SSBP2: variants seen among roughly 807,000 people sequenced by gnomAD.
The protein encoded by SSBP2 is single stranded DNA binding protein 2.
In SSBP2, 17 loss-of-function variants were observed where a neutral mutation model predicts 61.8. The ratio of observed to expected loss-of-function variants is 0.28; its 90% CI spans 0.19 to 0.41. SSBP2 has a LOEUF of 0.41. SSBP2 is among the 10% of genes least tolerant of loss of function. The probability of loss-of-function intolerance (pLI) is 1.00; values close to 1 mark genes in which losing one functional copy is unlikely to be tolerated. For synonymous variants in SSBP2, 139 were observed against 141.3 expected, an observed-to-expected ratio of 0.98 and a Z score of 0.12; for missense variants, 310 against 458.7, an observed-to-expected ratio of 0.68 and a Z score of 2.96.
intron 5 of SSBP2, among the ~76,000 whole-genome samples, chr5:81,508,449 G>A (rs1422001292): frequency 2.0e-5 from 3 of 152,034 alleles, no homozygotes; most frequent in African/African-American, 7.2e-5. Context: ...TTGCATGTCC[G>A]ACTAGTCTTA....
chr5:81,703,065 A>G (rs996345507), intron 1 of SSBP2, among the ~76,000 whole-genome samples: 1 of 152,286 alleles, frequency 6.6e-6, no homozygotes, highest in African/African-American at 2.4e-5. Flanking sequence ...CCCATATCTT[A>G]TTCAGTATTC....
intron 4 of SSBP2, among the ~76,000 whole-genome samples, chr5:81,593,821 TAAAG>T (rs1743393279): frequency 6.6e-6 from 1 of 152,112 alleles, no homozygotes; most frequent in South Asian, 2.1e-4. Flanking sequence ...AGGCCTGCCC[TAAAG>T]GAACTCCTAA....
intron 4 of SSBP2, among the ~76,000 whole-genome samples, chr5:81,590,986 T>C (rs1202030051): frequency 7.9e-5 from 12 of 152,128 alleles, no homozygotes; most frequent in Non-Finnish European, 2.9e-5. Flanking sequence ...TGAGGCTGAA[T>C]CAGTGCAACA....
At chr5:81,489,866 G>A (rs369033363) in intron 5 of SSBP2, among the ~76,000 whole-genome samples, 2 of 151,968 alleles carry the variant, frequency 1.3e-5, no homozygotes, top group South Asian at 2.1e-4. Flanking sequence ...AGTTCAAAAC[G>A]GACTCTGTGG....
At chr5:81,741,727 C>T (rs1757038345) in intron 1 of SSBP2, among the ~76,000 whole-genome samples, 1 of 152,178 alleles carries the variant, frequency 6.6e-6, no homozygotes, top group Non-Finnish European at 1.5e-5. Context: ...AAGTCCCGTA[C>T]CTATCCACTT....
At chr5:81,503,866 T>C (rs1232062969) in intron 5 of SSBP2, among the ~76,000 whole-genome samples, 1 of 152,174 alleles carries the variant, frequency 6.6e-6, no homozygotes, top group East Asian at 1.9e-4. Flanking sequence ...CCATTATCCT[T>C]AGCAAACTAA....
intron 1 of SSBP2, among the ~76,000 whole-genome samples, chr5:81,722,402 T>TTG (rs910189231): frequency 2.0e-5 from 3 of 151,636 alleles, no homozygotes; most frequent in Non-Finnish European, 4.4e-5. Context: ...ATTTTGTTTT[T>TTG]TTTTTTTTTC....
chr5:81,575,941 C>A (rs1250061909), intron 4 of SSBP2, among the ~76,000 whole-genome samples: 1 of 152,126 alleles, frequency 6.6e-6, no homozygotes, highest in Non-Finnish European at 1.5e-5. Context: ...ACAAAAATTC[C>A]ATTTCTTTGC....
At chr5:81,555,625 T>G (rs2153388180) in intron 4 of SSBP2, among the ~76,000 whole-genome samples, 1 of 152,160 alleles carries the variant, frequency 6.6e-6, no homozygotes, top group Middle Eastern at 3.4e-3. Context: ...TCAGTTTTAT[T>G]ACTAACACAA....
rs189207986 is a variant in SSBP2, at chr5:81,518,976, T to G, written c.283-5259A>C. Among the ~76,000 whole-genome samples the G allele has an allele frequency of 4.2e-3, 636 of 152,288 alleles. 4 individuals carry two copies. The highest frequency in any genetic ancestry group is 0.015 in the South Asian group (71 of 4,828). On this transcript the variant is annotated intron_variant, in intron 4 of 16. Transcript: ENST00000320672. Reference sequence around the variant, plus strand: ...ATGCTTGATCATCATGCATGATGCATTTAATAGGCTACTGAATTATATTTG... The same window carrying G: ...ATGCTTGATCATCATGCATGATGCAGTTAATAGGCTACTGAATTATATTTG...
intron 3 of SSBP2, among the ~76,000 whole-genome samples, chr5:81,627,382 C>T (rs1023854877): frequency 5.3e-5 from 8 of 152,120 alleles, no homozygotes; most frequent in East Asian, 1.9e-4. Flanking sequence ...CTGTCTTATA[C>T]GATGCTTAGT....
chr5:81,456,311 T>G (rs1393859092), intron 10 of SSBP2, among the ~76,000 whole-genome samples: 1 of 151,876 alleles, frequency 6.6e-6, no homozygotes, highest in Admixed American at 6.6e-5. Flanking sequence ...CCTCTTTTAC[T>G]ATCCATTCCT....
intron 5 of SSBP2, among the ~76,000 whole-genome samples, chr5:81,500,010 A>G (rs1483762979): frequency 6.6e-6 from 1 of 152,228 alleles, no homozygotes; most frequent in Non-Finnish European, 1.5e-5. Context: ...TGCAGAGATA[A>G]CAGCATTTGT....
At chr5:81,481,389 A>AG (rs888873404) in intron 6 of SSBP2, among the ~76,000 whole-genome samples, 6 of 152,046 alleles carry the variant, frequency 3.9e-5, no homozygotes, top group East Asian at 3.9e-4. Flanking sequence ...TGGGAGGCCG[A>AG]GGGGGGTGGA....
intron 2 of SSBP2, among the ~76,000 whole-genome samples, chr5:81,640,313 C>A (rs1748662344): frequency 6.6e-6 from 1 of 151,958 alleles, no homozygotes; most frequent in South Asian, 2.1e-4. Context: ...GCACTCCAGC[C>A]TGGGCGACAG....
At chr5:81,459,913 A>G (rs1282679352) in intron 10 of SSBP2, among the ~76,000 whole-genome samples, 6 of 152,246 alleles carry the variant, frequency 3.9e-5, no homozygotes, top group Admixed American at 2.0e-4. Context: ...TTGAAATTAA[A>G]TAACACACTG....
intron 5 of SSBP2, among the ~76,000 whole-genome samples, chr5:81,496,956 T>C (rs1767334830): frequency 6.6e-6 from 1 of 152,170 alleles, no homozygotes; most frequent in Non-Finnish European, 1.5e-5. Context: ...TGTGCAACCA[T>C]TTATTAAATA....
At chr5:81,745,510 A>G (rs984473148) in intron 1 of SSBP2, among the ~76,000 whole-genome samples, 3 of 152,124 alleles carry the variant, frequency 2.0e-5, no homozygotes, top group African/African-American at 7.2e-5. Flanking sequence ...CCACCCTTTC[A>G]GAAACAGTAA....
intron 2 of SSBP2, 133 bp downstream of exon 2, chr5:81,650,134 T>C: frequency 1.8e-6 from 1 of 563,558 alleles, no homozygotes; most frequent in Non-Finnish European, 3.0e-6. Context: ...CTATAAAAAC[T>C]ATACTATGTA....
Sources: allele counts gnomAD v4.1 joint callset (sites outside exome capture counted in the v4.1 genomes callset), GRCh38; gene constraint gnomAD v4.1.1; transcripts MANE v1.5; gene names NCBI Gene and HGNC (gene_info 2026-07-23, HGNC 2026-07-21).